The following RANGAP1 variants were observed in gnomAD, a reference collection of about 807,000 sequenced individuals.
RANGAP1 encodes ran GTPase-activating protein 1.
Under a neutral mutation model 63.5 loss-of-function variants are expected in RANGAP1, and 38 were observed. That is an observed-to-expected ratio of 0.60 (90% CI 0.46 to 0.78). The LOEUF (loss-of-function observed/expected upper bound fraction) is 0.78, where lower values mean the gene tolerates loss of function less well. RANGAP1 is among the 30% of genes least tolerant of loss of function. The probability of loss-of-function intolerance (pLI) is 0.00; values close to 1 mark genes in which losing one functional copy is unlikely to be tolerated. For synonymous variants in RANGAP1, 329 were observed against 310.5 expected (o/e 1.06, Z -0.63); for missense variants, 630 against 740.3 (o/e 0.85, Z 1.73).
At chr22:41,263,487 C>T (rs1156597093) in intron 5 of RANGAP1, among the ~76,000 whole-genome samples, 2 of 152,172 alleles carry the variant, frequency 1.3e-5, no homozygotes, top group Admixed American at 6.5e-5. Context: ...CGGGTTCGAG[C>T]AATTCTCCTG....
At chr22:41,256,138 G>C (rs1173579733) in intron 9 of RANGAP1, 33 bp from the exon 10 acceptor site, 2 of 1,613,810 alleles carry the variant, frequency 1.2e-6, no homozygotes, top group East Asian at 4.5e-5. Flanking sequence ...AGTCAGCCGG[G>C]GTGCCAGGGC....
intron 15 of RANGAP1, among the ~76,000 whole-genome samples, chr22:41,247,370 G>A (rs532612585): frequency 6.6e-6 from 1 of 151,816 alleles, no homozygotes; most frequent in African/African-American, 2.4e-5. Context: ...TTTTTTTCTT[G>A]AGACAGGGCC....
chr22:41,272,669 C>A (rs1172865514), intron 3 of RANGAP1, among the ~76,000 whole-genome samples: 1 of 152,112 alleles, frequency 6.6e-6, no homozygotes, highest in Non-Finnish European at 1.5e-5. Flanking sequence ...TACAGGCACA[C>A]GCCACCACAC....
chr22:41,252,238 T>C (rs1245422655), intron 12 of RANGAP1, among the ~76,000 whole-genome samples: 2 of 151,548 alleles, frequency 1.3e-5, no homozygotes, highest in East Asian at 3.9e-4. Context: ...GGAGGCAGAG[T>C]CTGCAGTGAG....
At chr22:41,273,042 G>C (rs539616177) in intron 3 of RANGAP1, among the ~76,000 whole-genome samples, 2 of 151,684 alleles carry the variant, frequency 1.3e-5, no homozygotes, top group East Asian at 3.9e-4. Flanking sequence ...CGAACTTCTG[G>C]GCCTTGGCCT....
At position 41,271,396 on chromosome 22, in the gene RANGAP1, C is replaced by CA. The variant is rs66523219; in HGVS notation, c.240+3203dup. On this transcript the variant is annotated intron_variant, in intron 3 of 15. Transcript: ENST00000356244. ...GCGTGAAACTGTCTCTAAAAAAAAA[C>CA]AAAAAAAAAAAACAAAAACGCCGGG... Among the ~76,000 whole-genome samples, 151 of 133,894 alleles carry CA rather than the reference C, an allele frequency of 1.1e-3. 2 individuals are homozygous for CA. Among genetic ancestry groups the CA allele is most frequent in the Middle Eastern group, 8.3e-3 (2 of 242 alleles). The allele number at this position is 133,894 out of a possible 152,430, so 87.8% of individuals were successfully genotyped here. A position where few individuals can be genotyped will look rare whatever the true frequency, so the allele number is the denominator to read the frequency against.
At chr22:41,262,240 T>C (rs1312578579) in intron 5 of RANGAP1, among the ~76,000 whole-genome samples, 1 of 152,170 alleles carries the variant, frequency 6.6e-6, no homozygotes, top group African/African-American at 2.4e-5. Context: ...AAGTAGCTTC[T>C]ACCCTGGTTA....
chr22:41,252,813 C>T, intron 12 of RANGAP1, 59 bp downstream of exon 12: 1 of 1,465,028 alleles, frequency 6.8e-7, no homozygotes, highest in Non-Finnish European at 9.0e-7. Context: ...CGTCCCTTTT[C>T]TCTAACAGCT....
At chr22:41,299,164 GCT>G in the RANGAP1 span, among the ~76,000 whole-genome samples, 1 of 150,986 alleles carries the variant, frequency 6.6e-6, no homozygotes, top group East Asian at 1.9e-4. Flanking sequence ...ATGGAGTCTC[GCT>G]CTGTCGCCCA....
At chr22:41,296,359 A>G in the RANGAP1 span, among the ~76,000 whole-genome samples, 1 of 152,130 alleles carries the variant, frequency 6.6e-6, no homozygotes, top group East Asian at 1.9e-4. Context: ...ACAAACAAAC[A>G]AACAAGGCTG....
At chr22:41,299,087 G>T in the RANGAP1 span, among the ~76,000 whole-genome samples, 4 of 151,720 alleles carry the variant, frequency 2.6e-5, no homozygotes, top group African/African-American at 9.7e-5. Context: ...TCTCCCAAAG[G>T]CCCCACCTCC....
chr22:41,298,014 C>T, the RANGAP1 span, among the ~76,000 whole-genome samples: 6 of 152,076 alleles, frequency 3.9e-5, no homozygotes, highest in African/African-American at 1.2e-4. Flanking sequence ...CCCGTGACCA[C>T]GCCTGGCTGA....
At chr22:41,295,508 CT>C in the RANGAP1 span, among the ~76,000 whole-genome samples, 1 of 151,734 alleles carries the variant, frequency 6.6e-6, no homozygotes, top group African/African-American at 2.4e-5. Flanking sequence ...CAGCATGCTC[CT>C]TAAGAGTCAT....
chr22:41,247,799 C>T lies in RANGAP1; in HGVS notation c.1695-1127G>A, dbSNP rs527957356. ...AAGCCAGTGAACAGGCCAGGATCTG[C>T]GCCAGGCCGGGCATCCCAGACCATT... On this transcript the variant is annotated intron_variant, in intron 15 of 15. Coordinates refer to ENST00000356244, the MANE Select transcript of RANGAP1 (RefSeq NM_002883.4). Among the ~76,000 whole-genome samples, 6 of 152,362 alleles carry T rather than the reference C, an allele frequency of 3.9e-5. No homozygotes were observed. The East Asian group carries it at 7.7e-4, about 20-fold the overall frequency.
Position 41,252,871 on chromosome 22 carries a change from C to A in RANGAP1, c.1380+1G>T. On this transcript the variant is annotated splice_donor_variant, in intron 12 of 15. Coordinates refer to ENST00000356244, the MANE Select transcript of RANGAP1 (RefSeq NM_002883.4). LOFTEE classifies it high-confidence loss of function. ...CGTGGGGGTCGAGGGGTGGTTATTA[C>A]CTGCTGGGCTATCAGCACGGAGCTC... The A allele has an allele frequency of 6.4e-7, 1 of 1,569,952 alleles. No individual in the cohort carries two copies.
At chr22:41,280,114 T>G (rs535292775) in intron 2 of RANGAP1, among the ~76,000 whole-genome samples, 1 of 150,528 alleles carries the variant, frequency 6.6e-6, no homozygotes, top group African/African-American at 2.4e-5. Context: ...AAGTGATAAA[T>G]GCACAGGGAG....
intron 1 of RANGAP1, 131 bp from the exon 2 acceptor site, chr22:41,281,213 C>A (rs2145848730): frequency 1.9e-6 from 2 of 1,054,150 alleles, no homozygotes; most frequent in Middle Eastern, 3.2e-4. Flanking sequence ...AGATAAATCA[C>A]TGGAAGAAAG....
At chr22:41,286,433 TCG>T (rs891898087), upstream of RANGAP1, among the ~76,000 whole-genome samples, 2 of 152,226 alleles carry the variant, frequency 1.3e-5, no homozygotes, top group Non-Finnish European at 1.5e-5. Flanking sequence ...TGGCTCTTTC[TCG>T]CAGAGACCGC....
At chr22:41,299,423 C>T in the RANGAP1 span, among the ~76,000 whole-genome samples, 20 of 151,912 alleles carry the variant, frequency 1.3e-4, no homozygotes, top group South Asian at 4.2e-4. Flanking sequence ...TGAGCCACCG[C>T]GCCCGGCCTA....
Sources: gnomAD v4.1 joint callset for allele counts (sites outside exome capture counted in the v4.1 genomes callset) on GRCh38, gnomAD v4.1.1 for gene constraint, MANE v1.5 for transcripts, NCBI Gene and HGNC (gene_info 2026-07-23, HGNC 2026-07-21) for gene names.